COL6A3: variants seen among roughly 807,000 people sequenced by gnomAD.
COL6A3 encodes collagen alpha-3(VI) chain.
In COL6A3, 137 loss-of-function variants were observed where a neutral mutation model predicts 274.1. That is an observed-to-expected ratio of 0.50 (90% CI 0.44 to 0.58). COL6A3 has a LOEUF of 0.58. Among genes scored for constraint, COL6A3 ranks in the 20% least tolerant of loss-of-function variants. The pLI is 0.00. For synonymous variants in COL6A3, 1,650 were observed against 1,650.6 expected (o/e 1.00, Z 0.01); for missense variants, 3,950 against 4,124.9 (o/e 0.96, Z 1.16).
In COL6A3 at chr2:237,374,062, G is replaced by A. The variant is rs2106360222; in HGVS notation, c.3679+350C>T. On this transcript the variant is annotated intron_variant, in intron 8 of 43. Transcript: ENST00000295550. The surrounding 1 kb of genome is among the most constrained non-coding windows in gnomAD (Gnocchi z 4.8). ...CTGACCAAACCTACCAGGGGTCGCA[G>A]GACTGATACGCAACAGGCGTTATCA... Among the ~76,000 whole-genome samples, 1 of 152,330 alleles carries A rather than the reference G, an allele frequency of 6.6e-6. No homozygotes were observed. Among genetic ancestry groups the A allele is most frequent in the African/African-American group, 2.4e-5 (1 of 41,574 alleles).
chr2:237,358,526 C>T lies in COL6A3; in HGVS notation c.6466G>A (p.Asp2156Asn). The part of the protein sequence containing the change: ...GERGDVGIRG[D>N]PGNPGQDSQE... Reference sequence around the variant, plus strand: ...GTCAATAAAGAAATCTTTACCGGGTCCCCTCGAATCCCAACATCTCCTCTT... The same window carrying T: ...GTCAATAAAGAAATCTTTACCGGGTTCCCTCGAATCCCAACATCTCCTCTT... The change falls in exon 21 of 44, where the codon GAC becomes AAC. Residue 2156 changes from aspartate (D) to asparagine (N), a missense_variant. Around this residue, in one of 5 missense-constraint regions of COL6A3, gnomAD observed 1,284 missense variants for 1,349.7 expected, o/e 0.95. Transcript: ENST00000295550. 1 of 1,613,724 alleles carries T rather than the reference C, an allele frequency of 6.2e-7. No homozygotes were observed. Among genetic ancestry groups the T allele is most frequent in the South Asian group, 1.1e-5 (1 of 91,070 alleles).
intron 42 of COL6A3, 54 bp downstream of exon 42, chr2:237,333,396 C>G: frequency 6.6e-7 from 1 of 1,525,230 alleles, no homozygotes. Context: ...AAATTGGAAT[C>G]AAGATGGGTA....
In COL6A3 at chr2:237,344,591, A is replaced by C. The variant is rs2077059750; in HGVS notation, c.7427T>G (p.Leu2476Arg). ...KSVLLDKIKNLQVALTSKQQS... is the reference protein window; with the variant it reads ...KSVLLDKIKNRQVALTSKQQS... ...CTGTTTGGATGTCAGAGCCACCTGA[A>C]GGTTCTTAATCTTGTCCAGGAGGAC... Residue 2476 changes from leucine (L) to arginine (R), a missense_variant, in exon 36 of 44, where the codon CTT becomes CGT. Coordinates refer to ENST00000295550, the MANE Select transcript of COL6A3 (RefSeq NM_004369.4). This position sits in a 1 kb window ranked among gnomAD's most constrained non-coding sequence, Gnocchi z 4.8. 6.2e-7 allele frequency: 1 copy of C among 1,614,060 alleles called. No homozygotes were observed. The highest frequency in any genetic ancestry group is 8.5e-7 in the Non-Finnish European group (1 of 1,180,038).
chr2:237,357,874 T>A lies in COL6A3; in HGVS notation c.6480A>T (p.Pro2160=), dbSNP rs1263417418. 4 of 1,614,056 alleles carry A rather than the reference T, an allele frequency of 2.5e-6. No homozygotes were observed. The highest frequency in any genetic ancestry group is 3.4e-6 in the Non-Finnish European group (4 of 1,180,026). The change falls in exon 22 of 44, where the codon CCA becomes CCT. Residue 2160 remains proline (P), a synonymous_variant. Coordinates refer to ENST00000295550, the MANE Select transcript of COL6A3 (RefSeq NM_004369.4). The part of the protein sequence containing the change: ...DVGIRGDPGN[P]GQDSQERGPK... Reference sequence around the variant, plus strand: ...GTCCTCTCTCCTGGCTGTCTTGTCCTGGGTTACCCTGAAAGCAACATGGGA... The same window carrying A: ...GTCCTCTCTCCTGGCTGTCTTGTCCAGGGTTACCCTGAAAGCAACATGGGA...
At chr2:237,381,529 G>T in intron 4 of COL6A3, 30 bp from the exon 5 acceptor site, 1 of 1,517,432 alleles carries the variant, frequency 6.6e-7, no homozygotes. Context: ...AAGGCAATTA[G>T]AATGGCCTTA....
rs2106347092 is a variant in COL6A3, at chr2:237,364,234, A to T, written c.5917+116T>A. Reference sequence around the variant, plus strand: ...ACAACGCTGGGAGGAAGAGTCTCCCAAGACAACGCTGCTCCCTTGGGGCGC... The same window carrying T: ...ACAACGCTGGGAGGAAGAGTCTCCCTAGACAACGCTGCTCCCTTGGGGCGC... On this transcript the variant is annotated intron_variant, in intron 13 of 43. Transcript: ENST00000295550. The surrounding 1 kb of genome is among the most constrained non-coding windows in gnomAD (Gnocchi z 4.6). 2 of 836,984 alleles carry T rather than the reference A, an allele frequency of 2.4e-6. No homozygotes were observed. Among genetic ancestry groups the T allele is most frequent in the South Asian group, 2.7e-5 (2 of 73,002 alleles). The allele number at this position is 836,984 out of a possible 1,614,324, so 51.8% of individuals were successfully genotyped here. A position where few individuals can be genotyped will look rare whatever the true frequency, so the allele number is the denominator to read the frequency against.
intron 21 of COL6A3, 35 bp downstream of exon 21, chr2:237,358,486 C>A: frequency 6.4e-7 from 1 of 1,572,138 alleles, no homozygotes; most frequent in Non-Finnish European, 8.8e-7. Context: ...CTTCCCCAGG[C>A]TCAGGTCTGA....
chr2:237,330,484 C>A (rs1700172689), intron 42 of COL6A3, among the ~76,000 whole-genome samples: 1 of 152,110 alleles, frequency 6.6e-6, no homozygotes, highest in Admixed American at 6.5e-5. Flanking sequence ...TGTGGGGGTT[C>A]ATTTGGTTTT....
intron 25 of COL6A3, among the ~76,000 whole-genome samples, 176 bp downstream of exon 25, chr2:237,353,165 G>C (rs2077243615): frequency 6.6e-6 from 1 of 152,230 alleles, no homozygotes; most frequent in African/African-American, 2.4e-5. Context: ...TCTCCTTCGA[G>C]ACTGTGTTTT....
At chr2:237,400,004 T>A (rs1212814777) in intron 1 of COL6A3, among the ~76,000 whole-genome samples, 1 of 152,250 alleles carries the variant, frequency 6.6e-6, no homozygotes, top group Admixed American at 6.5e-5. Flanking sequence ...GTTAATATTG[T>A]CATTTTTTCT....
At chr2:237,395,385 T>G (rs1035517563) in intron 2 of COL6A3, among the ~76,000 whole-genome samples, 181 bp from the exon 3 acceptor site, 3 of 152,212 alleles carry the variant, frequency 2.0e-5, no homozygotes, top group Non-Finnish European at 1.5e-5. Flanking sequence ...GCCCATGCAC[T>G]CAATAGCTGC....
Position 237,340,640 on chromosome 2 carries a change from A to G in COL6A3, c.8276T>C (p.Ile2759Thr). The G allele has an allele frequency of 6.2e-7, 1 of 1,614,176 alleles. No homozygotes were observed. The highest frequency in any genetic ancestry group is 1.1e-5 in the South Asian group (1 of 91,082). Residue 2759 changes from isoleucine (I) to threonine (T), a missense_variant, in exon 38 of 44, where the codon ATC (isoleucine) becomes ACC (threonine). Physicochemically the swap from Ile to Thr is moderately conservative, Grantham distance 89 (BLOSUM62 -1). Around this residue, in one of 5 missense-constraint regions of COL6A3, gnomAD observed 1,284 missense variants for 1,349.7 expected, o/e 0.95. Transcript: ENST00000295550. ...EQQLEEAQRVILQAKCKGYFF... is the reference protein window; with the variant it reads ...EQQLEEAQRVTLQAKCKGYFF... The stretch of plus-strand genomic sequence containing the variant: ...GTAGCCCTTGCATTTGGCCTGCAGG[A>G]TGACTCTCTGGGCCTCCTCCAGCTG...
intron 17 of COL6A3, among the ~76,000 whole-genome samples, chr2:237,359,648 G>T (rs748595266): frequency 1.3e-5 from 2 of 152,252 alleles, no homozygotes; most frequent in Non-Finnish European, 2.9e-5. Context: ...AGGGCAAGGA[G>T]CTGACTTTGT....
chr2:237,372,996 C>T (rs887030820), intron 8 of COL6A3, among the ~76,000 whole-genome samples: 3 of 152,170 alleles, frequency 2.0e-5, no homozygotes, highest in African/African-American at 4.8e-5. Context: ...CAAGGAACCA[C>T]GGGATGACGT....
At chr2:237,411,877 C>T (rs957890000) in intron 1 of COL6A3, among the ~76,000 whole-genome samples, 10 of 152,090 alleles carry the variant, frequency 6.6e-5, no homozygotes, top group Admixed American at 1.3e-4. Context: ...AGGGAAAGAG[C>T]GGGGCCAAGG....
rs1037199905 is a variant in COL6A3, at chr2:237,331,192, G to A, written c.9328+2258C>T. 4.6e-5 allele frequency among the ~76,000 whole-genome samples: 7 copies of A among 152,166 alleles called. 1 individual carries two copies. Among genetic ancestry groups the A allele is most frequent in the East Asian group, 3.8e-4 (2 of 5,204 alleles). ...TATATTTGGAGAAATAATGCATATC[G>A]TGGTCATTGGAATTTGGATGCAAAA... is the stretch of plus-strand genomic sequence containing the variant. On this transcript the variant is annotated intron_variant, in intron 42 of 43. Transcript: ENST00000295550.
intron 1 of COL6A3, among the ~76,000 whole-genome samples, chr2:237,398,923 T>C (rs2078520109): frequency 6.6e-6 from 1 of 152,232 alleles, no homozygotes; most frequent in Non-Finnish European, 1.5e-5. Flanking sequence ...GCATCTACTA[T>C]GTGATCATTG....
At chr2:237,391,002 CAT>C (rs555060720) in intron 3 of COL6A3, among the ~76,000 whole-genome samples, 5 of 152,140 alleles carry the variant, frequency 3.3e-5, no homozygotes, top group Non-Finnish European at 7.4e-5. Context: ...ATATTTTACA[CAT>C]ATGTGTGTTT....
intron 24 of COL6A3, among the ~76,000 whole-genome samples, 181 bp downstream of exon 24, chr2:237,354,718 C>G (rs1193743622): frequency 3.3e-5 from 5 of 152,186 alleles, no homozygotes. Context: ...CAGGTGTCAT[C>G]AGGGCCTTCT....
Sources: allele counts gnomAD v4.1 joint callset (sites outside exome capture counted in the v4.1 genomes callset), GRCh38; gene constraint gnomAD v4.1.1; regional missense constraint gnomAD v4.1.1; non-coding constraint Gnocchi (gnomAD v3.1); transcripts MANE v1.5; gene names NCBI Gene and HGNC (gene_info 2026-07-23, HGNC 2026-07-21).